The following LUZP2 variants were observed in gnomAD, a reference collection of about 807,000 sequenced individuals.
The protein encoded by LUZP2 is leucine zipper protein 2.
A neutral mutation model predicts 51.6 loss-of-function variants in LUZP2; 52 were observed. The observed-to-expected ratio is 1.01, with a 90% CI of 0.81 to 1.27. LUZP2 has a LOEUF of 1.27. Ranked by LOEUF, LUZP2 falls within the 50% of genes most tolerant of loss-of-function variation. The probability of loss-of-function intolerance (pLI) is 0.00; values close to 1 mark genes in which losing one functional copy is unlikely to be tolerated. For synonymous variants in LUZP2, 154 were observed against 137.3 expected, an observed-to-expected ratio of 1.12 and a Z score of -0.85; for missense variants, 436 against 395.4, an observed-to-expected ratio of 1.10 and a Z score of -0.87.
chr11:25,023,045 G>A (rs1334663566), intron 9 of LUZP2, among the ~76,000 whole-genome samples: 2 of 152,120 alleles, frequency 1.3e-5, no homozygotes, highest in Non-Finnish European at 2.9e-5. Context: ...GCTGGATTCG[G>A]TTTGCCAGCA....
chr11:24,873,649 A>G (rs1164747196), intron 5 of LUZP2, among the ~76,000 whole-genome samples: 11 of 151,356 alleles, frequency 7.3e-5, no homozygotes, highest in Non-Finnish European at 1.6e-4. Context: ...CCAAGCTTAA[A>G]CTGAATACTT....
intron 5 of LUZP2, among the ~76,000 whole-genome samples, chr11:24,799,546 A>G (rs1007061332): frequency 1.3e-5 from 2 of 151,324 alleles, no homozygotes; most frequent in African/African-American, 4.9e-5. Flanking sequence ...AGCCAAGACC[A>G]CACCATTGCA....
intron 1 of LUZP2, among the ~76,000 whole-genome samples, chr11:24,674,989 C>T (rs1856500349): frequency 6.6e-6 from 1 of 152,160 alleles, no homozygotes; most frequent in Non-Finnish European, 1.5e-5. Flanking sequence ...TTGTGTAGCA[C>T]ATATATCGTG....
chr11:25,020,630 C>G (rs1337659709), intron 9 of LUZP2, among the ~76,000 whole-genome samples: 1 of 151,974 alleles, frequency 6.6e-6, no homozygotes, highest in East Asian at 1.9e-4. Context: ...AGTTTTGATT[C>G]TACATTTAAT....
chr11:24,711,254 C>A (rs1412274511), intron 1 of LUZP2, among the ~76,000 whole-genome samples: 1 of 146,660 alleles, frequency 6.8e-6, no homozygotes, highest in Admixed American at 6.8e-5. Context: ...TCGAGACCAT[C>A]CTGGCTAACA....
At chr11:24,715,082 G>A (rs1243968546) in intron 1 of LUZP2, among the ~76,000 whole-genome samples, 1 of 152,104 alleles carries the variant, frequency 6.6e-6, no homozygotes, top group Non-Finnish European at 1.5e-5. Context: ...ACTTACCTCT[G>A]CTGACAATGC....
At chr11:25,030,577 T>C (rs1250117254) in intron 9 of LUZP2, among the ~76,000 whole-genome samples, 1 of 151,760 alleles carries the variant, frequency 6.6e-6, no homozygotes, top group Non-Finnish European at 1.5e-5. Flanking sequence ...TTCCATGTAC[T>C]CACCAATACT....
intron 5 of LUZP2, among the ~76,000 whole-genome samples, chr11:24,869,349 G>A (rs367638471): frequency 2.0e-5 from 3 of 152,214 alleles, no homozygotes; most frequent in East Asian, 3.9e-4. Flanking sequence ...TGAAAACCTT[G>A]TCTGGTAAGT....
At chr11:24,861,380 G>T (rs1287644062) in intron 5 of LUZP2, among the ~76,000 whole-genome samples, 1 of 152,178 alleles carries the variant, frequency 6.6e-6, no homozygotes, top group Non-Finnish European at 1.5e-5. Flanking sequence ...GAAATGTAAG[G>T]ATGTAAGAAT....
At chr11:24,961,318 T>C (rs1201801193) in intron 7 of LUZP2, among the ~76,000 whole-genome samples, 3 of 152,134 alleles carry the variant, frequency 2.0e-5, no homozygotes, top group South Asian at 2.1e-4. Flanking sequence ...CTTTTTGTCT[T>C]GTTGATCTGT....
At chr11:24,741,878 AATATATATTTATAT>A (rs1276439712) in intron 4 of LUZP2, among the ~76,000 whole-genome samples, 2 of 132,540 alleles carry the variant, frequency 1.5e-5, no homozygotes, top group African/African-American at 6.4e-5. Flanking sequence ...TATATTTATA[AATATATATTTATAT>A]ACATATATAT....
At chr11:24,609,646 C>T (rs1241963800) in intron 1 of LUZP2, among the ~76,000 whole-genome samples, 1 of 138,932 alleles carries the variant, frequency 7.2e-6, no homozygotes, top group Non-Finnish European at 1.5e-5. Context: ...ACAAGAATCA[C>T]TTTAACCCTG....
chr11:24,908,897 C>T (rs930387633), intron 6 of LUZP2, among the ~76,000 whole-genome samples: 88 of 151,316 alleles, frequency 5.8e-4, no homozygotes, highest in African/African-American at 2.1e-3. Context: ...CTGGGACTAT[C>T]GGACTATTAG....
intron 1 of LUZP2, among the ~76,000 whole-genome samples, chr11:24,682,906 C>T (rs770584185): frequency 3.3e-5 from 5 of 151,272 alleles, no homozygotes; most frequent in South Asian, 2.1e-4. Context: ...CGGGAGGCTG[C>T]GGCAGGAGAA....
chr11:24,812,429 A>G (rs760384886), intron 5 of LUZP2, among the ~76,000 whole-genome samples: 7 of 152,166 alleles, frequency 4.6e-5, no homozygotes, highest in African/African-American at 7.2e-5. Flanking sequence ...CTAACAACTC[A>G]AGCCACCTGA....
intron 5 of LUZP2, among the ~76,000 whole-genome samples, chr11:24,779,399 A>G (rs1009503889): frequency 2.6e-5 from 4 of 152,216 alleles, no homozygotes; most frequent in Non-Finnish European, 4.4e-5. Flanking sequence ...CCAGCTTTTC[A>G]TCATACATGT....
chr11:24,580,789 G>T (rs967283325), intron 1 of LUZP2, among the ~76,000 whole-genome samples: 1 of 151,838 alleles, frequency 6.6e-6, no homozygotes, highest in African/African-American at 2.4e-5. Flanking sequence ...TTACCAAAAG[G>T]CATTCATCAA....
intron 4 of LUZP2, among the ~76,000 whole-genome samples, chr11:24,754,781 G>A (rs1408320732): frequency 1.3e-5 from 2 of 152,146 alleles, no homozygotes; most frequent in Non-Finnish European, 2.9e-5. Context: ...ATACACATCT[G>A]CAATTACTCA....
chr11:24,774,948 C>T (rs1848872923), intron 5 of LUZP2, among the ~76,000 whole-genome samples: 1 of 150,444 alleles, frequency 6.6e-6, no homozygotes, highest in African/African-American at 2.4e-5. Context: ...CCAGAGGGAT[C>T]CCTTGCCTGC....
Sources: allele counts gnomAD v4.1 joint callset (sites outside exome capture counted in the v4.1 genomes callset), GRCh38; gene constraint gnomAD v4.1.1; transcripts MANE v1.5; gene names NCBI Gene and HGNC (gene_info 2026-07-23, HGNC 2026-07-21).